Variants in NAT1 observed in about 807,000 individuals in gnomAD.
The protein encoded by NAT1 is N-acetyltransferase 1.
For synonymous variants in NAT1, 144 were observed against 122.6 expected, an observed-to-expected ratio of 1.17 and a Z score of -1.16; for missense variants, 400 against 339.2, an observed-to-expected ratio of 1.18 and a Z score of -1.41.
intron 1 of NAT1, chr8:18,217,113 C>A: frequency 1.5e-6 from 1 of 684,338 alleles, no homozygotes; most frequent in Non-Finnish European, 2.4e-6. Context: ...TGTTATATAA[C>A]TGGTTTTCCC....
chr8:18,188,141 A>C (rs1439326326), intron 2 of NAT1, among the ~76,000 whole-genome samples: 2 of 152,180 alleles, frequency 1.3e-5, no homozygotes, highest in African/African-American at 4.8e-5. Flanking sequence ...AGAACACTAG[A>C]AATAAAGGAC....
rs556118616 is a variant in NAT1 at position 18,215,489 on chromosome 8, C to A, written c.-85-3922C>A. 3.3e-5 allele frequency among the ~76,000 whole-genome samples: 5 copies of A among 152,234 alleles called. No homozygotes were observed. The South Asian group carries it at 1.0e-3, about 32-fold the overall frequency. The stretch of plus-strand genomic sequence containing the variant: ...ATGTATTCTGTTGATTAATTAGTTC[C>A]ATTTCTGTCCTTAATTAGTATTCTA... On this transcript the variant is annotated intron_variant, in intron 1 of 2. Coordinates refer to ENST00000307719, the MANE Select transcript of NAT1 (RefSeq NM_000662.8).
chr8:18,193,505 T>A (rs71502543), intron 2 of NAT1, among the ~76,000 whole-genome samples: 50 of 86,676 alleles, frequency 5.8e-4, no homozygotes, highest in Admixed American at 2.4e-3. Context: ...TATATATATA[T>A]AATATATATA....
At chr8:18,181,387 AT>A (rs1416132349) in intron 2 of NAT1, among the ~76,000 whole-genome samples, 1 of 152,186 alleles carries the variant, frequency 6.6e-6, no homozygotes, top group African/African-American at 2.4e-5. Context: ...TAGAAAAAAA[AT>A]AGAGATGCTA....
chr8:18,191,971 A>G (rs921587468), intron 2 of NAT1, among the ~76,000 whole-genome samples: 1 of 152,142 alleles, frequency 6.6e-6, no homozygotes, highest in African/African-American at 2.4e-5. Context: ...ATGGCAACAA[A>G]AGCCAAAATT....
intron 2 of NAT1, among the ~76,000 whole-genome samples, chr8:18,186,809 A>G (rs570508957): frequency 6.6e-6 from 1 of 152,334 alleles, no homozygotes; most frequent in South Asian, 2.1e-4. Flanking sequence ...GAACTAATTA[A>G]TCTAAAGAGC....
At position 18,176,960 on chromosome 8, in the gene NAT1, A is replaced by AT. The variant is rs543361341; in HGVS notation, n.92+6227dup. On this transcript the variant is annotated intron_variant and non_coding_transcript_variant, in intron 2 of 4. Coordinates refer to the NAT1 transcript ENST00000517441. ...TCCTTGGTTAAATTTACTCTTAAGT[A>AT]TTTTTTCTGATGCTATTGTGAATGA... is the stretch of plus-strand genomic sequence containing the variant. Among the ~76,000 whole-genome samples the AT allele has an allele frequency of 4.6e-3, 695 of 151,974 alleles. 1 individual carries two copies. The highest frequency in any genetic ancestry group is 7.6e-3 in the Non-Finnish European group (514 of 67,916).
At chr8:18,174,764 T>C (rs1057083368) in intron 2 of NAT1, among the ~76,000 whole-genome samples, 2 of 152,094 alleles carry the variant, frequency 1.3e-5, no homozygotes, top group Non-Finnish European at 2.9e-5. Context: ...TCTAGCTCTA[T>C]AACTCTGGGC....
At chr8:18,216,529 A>T (rs916316974) in intron 1 of NAT1, among the ~76,000 whole-genome samples, 2 of 152,112 alleles carry the variant, frequency 1.3e-5, no homozygotes, top group Non-Finnish European at 2.9e-5. Flanking sequence ...TCCTGCTCTA[A>T]AATGTCCATT....
At chr8:18,215,692 G>A (rs2117374108) in intron 1 of NAT1, among the ~76,000 whole-genome samples, 1 of 151,476 alleles carries the variant, frequency 6.6e-6, no homozygotes, top group South Asian at 2.1e-4. Context: ...TGCATGTTAT[G>A]TCTTTTCTTC....
intron 2 of NAT1, 141 bp from the exon 3 acceptor site, chr8:18,221,901 C>T: frequency 1.1e-6 from 1 of 884,270 alleles, no homozygotes; most frequent in Non-Finnish European, 1.7e-6. Context: ...AAAAGGAATT[C>T]ATACAATGAA....
At chr8:18,178,717 G>A (rs1250205533) in intron 2 of NAT1, among the ~76,000 whole-genome samples, 1 of 152,168 alleles carries the variant, frequency 6.6e-6, no homozygotes, top group African/African-American at 2.4e-5. Flanking sequence ...GAGAGAGGAA[G>A]GAGTAGATAA....
At chr8:18,173,070 T>C (rs1589045042) in intron 2 of NAT1, among the ~76,000 whole-genome samples, 1 of 152,026 alleles carries the variant, frequency 6.6e-6, no homozygotes, top group Non-Finnish European at 1.5e-5. Flanking sequence ...CAGAGAACAG[T>C]GCTACTGCTG....
rs1212195603 is a variant in NAT1, at chr8:18,175,762, A to AT, written n.92+5028dup. 2.0e-5 allele frequency among the ~76,000 whole-genome samples: 3 copies of AT among 152,004 alleles called. No individual in the cohort carries two copies. The East Asian group carries it at 5.8e-4, about 29-fold the overall frequency. ...AATTCCTGGGTCATATGGTAATTAT[A>AT]TTTTTAGTTTTTTTGAGGAAACTTC... is the stretch of plus-strand genomic sequence containing the variant. On this transcript the variant is annotated intron_variant and non_coding_transcript_variant, in intron 2 of 4. Transcript: ENST00000517441.
At chr8:18,205,268 G>T (rs914538490), upstream of NAT1, among the ~76,000 whole-genome samples, 2 of 152,164 alleles carry the variant, frequency 1.3e-5, no homozygotes, top group African/African-American at 4.8e-5. Flanking sequence ...AGGGGTGGAG[G>T]CAATGCAGCT....
At chr8:18,210,791 T>C (rs2117331251) in intron 1 of NAT1, among the ~76,000 whole-genome samples, 1 of 152,314 alleles carries the variant, frequency 6.6e-6, no homozygotes, top group East Asian at 1.9e-4. Flanking sequence ...TTTTGTTTTT[T>C]TGAGGCAGAG....
chr8:18,220,113 G>GGTT (rs1805131326), intron 2 of NAT1, among the ~76,000 whole-genome samples: 1 of 152,134 alleles, frequency 6.6e-6, no homozygotes, highest in Admixed American at 6.5e-5. Context: ...GGCAGAGAGG[G>GGTT]GTTGGCATTG....
intron 2 of NAT1, among the ~76,000 whole-genome samples, chr8:18,197,179 C>T (rs560782712): frequency 3.9e-5 from 6 of 152,316 alleles, no homozygotes; most frequent in Non-Finnish European, 7.3e-5. Flanking sequence ...GATCCAATCA[C>T]CTCCTACCTG....
intron 2 of NAT1, among the ~76,000 whole-genome samples, chr8:18,183,320 G>A (rs959949193): frequency 6.6e-6 from 1 of 152,146 alleles, no homozygotes; most frequent in Non-Finnish European, 1.5e-5. Context: ...TGGGGAAGGG[G>A]ACAAACATTC....
Sources: gnomAD v4.1 joint callset for allele counts (sites outside exome capture counted in the v4.1 genomes callset) on GRCh38, gnomAD v4.1.1 for gene constraint, MANE v1.5 for transcripts, NCBI Gene and HGNC (gene_info 2026-07-23, HGNC 2026-07-21) for gene names.